The following CARMIL1 variants were observed in gnomAD, a reference collection of about 807,000 sequenced individuals.
The protein encoded by CARMIL1 is capping protein regulator and myosin 1 linker 1, also known as F-actin-uncapping protein LRRC16A.
A neutral mutation model predicts 177.1 loss-of-function variants in CARMIL1; 90 were observed. The ratio of observed to expected loss-of-function variants is 0.51; its 90% CI spans 0.43 to 0.61. The LOEUF is 0.61. Among genes scored for constraint, CARMIL1 ranks in the 20% least tolerant of loss-of-function variants. The probability of loss-of-function intolerance (pLI) is 0.00; values close to 1 mark genes in which losing one functional copy is unlikely to be tolerated. For missense variants in CARMIL1, 1,380 were observed against 1,667.0 expected (o/e 0.83, Z 3.00); for synonymous variants, 577 against 606.2 (o/e 0.95, Z 0.71).
rs1411176020 is a variant in CARMIL1 at position 25,390,311 on chromosome 6, TATA to T, written c.139-29802_139-29800del. Among the ~76,000 whole-genome samples the T allele has an allele frequency of 7.7e-4, 43 of 56,124 alleles. 1 individual carries two copies. Among genetic ancestry groups the T allele is most frequent in the South Asian group, 3.0e-3 (5 of 1,682 alleles). The allele number at this position is 56,124 out of a possible 152,430, so 36.8% of individuals were successfully genotyped here. On this transcript the variant is annotated intron_variant, in intron 2 of 36. Transcript: ENST00000329474. ...ATATTTACATATATATATATATATA[TATA>T]TATATATTTTTTTTTTTTTTTTTTT... is the stretch of plus-strand genomic sequence containing the variant.
intron 31 of CARMIL1, among the ~76,000 whole-genome samples, chr6:25,593,139 C>G (rs12529027): frequency 6.6e-6 from 1 of 152,190 alleles, no homozygotes; most frequent in Admixed American, 6.5e-5. Flanking sequence ...AACGTGTTCC[C>G]TAGAACCATG....
chr6:25,363,217 G>A (rs1562037246), intron 2 of CARMIL1, among the ~76,000 whole-genome samples: 2 of 152,154 alleles, frequency 1.3e-5, no homozygotes, highest in South Asian at 2.1e-4. Flanking sequence ...GAGAAAGATG[G>A]GTTAAGTGAA....
intron 29 of CARMIL1, chr6:25,564,024 CATATT>C (rs914250814): frequency 1.6e-5 from 4 of 255,972 alleles, no homozygotes; most frequent in East Asian, 1.8e-4. Flanking sequence ...TCATAAGTAA[CATATT>C]ATACAAAATG....
At chr6:25,594,897 A>G (rs943432655) in intron 32 of CARMIL1, among the ~76,000 whole-genome samples, 3 of 152,250 alleles carry the variant, frequency 2.0e-5, no homozygotes, top group African/African-American at 4.8e-5. Context: ...TCACTTGGAT[A>G]GTTCCATTAC....
chr6:25,378,747 T>TA (rs1240863269), intron 2 of CARMIL1, among the ~76,000 whole-genome samples: 1 of 151,668 alleles, frequency 6.6e-6, no homozygotes, highest in Non-Finnish European at 1.5e-5. Flanking sequence ...TCTAGGGACT[T>TA]AGAGTTTTCC....
At chr6:25,448,581 T>G (rs1471526217) in intron 5 of CARMIL1, among the ~76,000 whole-genome samples, 1 of 152,194 alleles carries the variant, frequency 6.6e-6, no homozygotes, top group Non-Finnish European at 1.5e-5. Flanking sequence ...ACGTCCCACC[T>G]CTTCTCCTCA....
intron 36 of CARMIL1, chr6:25,612,528 C>T (rs1816586542): frequency 6.5e-6 from 1 of 154,724 alleles, no homozygotes; most frequent in Non-Finnish European, 1.4e-5. Context: ...TCGCAGCTCA[C>T]CTCATTTTGC....
intron 2 of CARMIL1, among the ~76,000 whole-genome samples, chr6:25,376,705 A>T (rs532693603): frequency 1.1e-3 from 160 of 152,008 alleles, no homozygotes; most frequent in African/African-American, 3.7e-3. Context: ...TAATTAATTA[A>T]TTTTTTTCTG....
At chr6:25,479,797 T>A (rs2150964235) in intron 11 of CARMIL1, among the ~76,000 whole-genome samples, 1 of 152,272 alleles carries the variant, frequency 6.6e-6, no homozygotes, top group East Asian at 1.9e-4. Flanking sequence ...TTAGGTCTAT[T>A]GATTTCTCTC....
rs111578861 is a variant in CARMIL1, at chr6:25,609,137, T to G, written c.3848-913T>G. Among the ~76,000 whole-genome samples the G allele has an allele frequency of 9.1e-4, 138 of 152,084 alleles. 2 individuals carry two copies. Among genetic ancestry groups the G allele is most frequent in the Admixed American group, 1.6e-3 (25 of 15,276 alleles). On this transcript the variant is annotated intron_variant, in intron 35 of 36. Coordinates refer to ENST00000329474, the MANE Select transcript of CARMIL1 (RefSeq NM_017640.6). The stretch of plus-strand genomic sequence containing the variant: ...TTGGACAAGCTTGTGGTAGATTCTT[T>G]CAATTAGGGTGAAACAGCCCTGGTT...
intron 23 of CARMIL1, among the ~76,000 whole-genome samples, chr6:25,525,008 C>T (rs1806950212): frequency 6.6e-6 from 1 of 151,934 alleles, no homozygotes. Context: ...ATGAAACTTG[C>T]TACTAATGGG....
intron 5 of CARMIL1, among the ~76,000 whole-genome samples, chr6:25,445,731 G>A (rs1435437451): frequency 6.6e-6 from 1 of 151,736 alleles, no homozygotes; most frequent in Non-Finnish European, 1.5e-5. Context: ...GTAGAGATGG[G>A]GTTTCACCAT....
chr6:25,383,621 T>C (rs1423640161), intron 2 of CARMIL1: 1 of 152,184 alleles, frequency 6.6e-6, no homozygotes, highest in Non-Finnish European at 1.5e-5. Flanking sequence ...GTAGTACATA[T>C]ACTAAAACTA....
chr6:25,310,518 A>C (rs1049157706), intron 2 of CARMIL1, among the ~76,000 whole-genome samples: 5 of 152,224 alleles, frequency 3.3e-5, no homozygotes, highest in Non-Finnish European at 7.3e-5. Flanking sequence ...TTGTTGCATG[A>C]AATTTATTTT....
chr6:25,298,279 A>T (rs1399260069), intron 2 of CARMIL1, among the ~76,000 whole-genome samples: 2 of 152,232 alleles, frequency 1.3e-5, no homozygotes, highest in African/African-American at 4.8e-5. Context: ...GATATATTTT[A>T]TATAAATATT....
intron 32 of CARMIL1, among the ~76,000 whole-genome samples, chr6:25,596,850 G>C (rs190259191): frequency 2.7e-5 from 4 of 149,168 alleles, no homozygotes; most frequent in South Asian, 2.1e-4. Flanking sequence ...CAAACACACA[G>C]ACACACACAC....
chr6:25,403,617 G>A (rs746095009), intron 2 of CARMIL1, among the ~76,000 whole-genome samples: 10 of 151,946 alleles, frequency 6.6e-5, no homozygotes, highest in South Asian at 4.2e-4. Flanking sequence ...GGGCCTTTGC[G>A]TTTGCTATTC....
In CARMIL1 at chr6:25,482,211, A is replaced by G. The variant is rs377460677; in HGVS notation, c.875-46A>G. On this transcript the variant is annotated intron_variant, in intron 11 of 36. Transcript: ENST00000329474. ...ATTTTCATCCATTGTAAAAAATGCAATTCTGAGAACTTGAAAATTCTAATC... is the reference window on the plus strand; with the variant it reads ...ATTTTCATCCATTGTAAAAAATGCAGTTCTGAGAACTTGAAAATTCTAATC... The G allele has an allele frequency of 3.1e-4, 292 of 955,658 alleles. 2 individuals are homozygous for G. The highest frequency in any genetic ancestry group is 1.9e-3 in the Middle Eastern group (9 of 4,808). 59.2% of individuals were successfully genotyped at this position (955,658 alleles called of 1,614,324 possible). A position where few individuals can be genotyped will look rare whatever the true frequency, so the allele number is the denominator to read the frequency against.
At chr6:25,512,956 A>G (rs1805603274) in intron 20 of CARMIL1, among the ~76,000 whole-genome samples, 2 of 152,250 alleles carry the variant, frequency 1.3e-5, no homozygotes, top group African/African-American at 2.4e-5. Context: ...GATTTCAAAT[A>G]GTAATGTTAC....
Sources: allele counts gnomAD v4.1 joint callset (sites outside exome capture counted in the v4.1 genomes callset), GRCh38; gene constraint gnomAD v4.1.1; transcripts MANE v1.5; gene names NCBI Gene and HGNC (gene_info 2026-07-23, HGNC 2026-07-21).